HMCN1: variants seen among roughly 807,000 people sequenced by gnomAD.
HMCN1 encodes hemicentin 1, also known as hemicentin-1.
Under a neutral mutation model 625.9 loss-of-function variants are expected in HMCN1, and 321 were observed. The ratio of observed to expected loss-of-function variants is 0.51; its 90% CI spans 0.47 to 0.56. The LOEUF (loss-of-function observed/expected upper bound fraction) is 0.56, where lower values mean the gene tolerates loss of function less well. Ranked by LOEUF, HMCN1 falls within the 20% of genes least tolerant of loss-of-function variation. The pLI is 0.00. For missense variants in HMCN1, 6,588 were observed against 6,887.3 expected, an observed-to-expected ratio of 0.96 and a Z score of 1.54; for synonymous variants, 2,425 against 2,417.6, an observed-to-expected ratio of 1.00 and a Z score of -0.09.
At chr1:186,096,666 A>G (rs1443117006) in intron 68 of HMCN1, among the ~76,000 whole-genome samples, 1 of 152,146 alleles carries the variant, frequency 6.6e-6, no homozygotes, top group Non-Finnish European at 1.5e-5. Flanking sequence ...AGCAAACCAA[A>G]TTCGACAGTA....
At position 185,997,427 on chromosome 1, in the gene HMCN1, A is replaced by AG; in HGVS notation, c.3779-1dup. 6.2e-7 allele frequency: 1 copy of AG among 1,601,228 alleles called. No individual in the cohort carries two copies. Among genetic ancestry groups the AG allele is most frequent in the Admixed American group, 1.7e-5 (1 of 59,888 alleles). On this transcript the variant is annotated splice_acceptor_variant, in intron 24 of 106. Coordinates refer to ENST00000271588, the MANE Select transcript of HMCN1 (RefSeq NM_031935.3). LOFTEE classifies it high-confidence loss of function. ...GTGATAATGCATTTATTTTCCTAATAGAACCACCCACAGTGGAAGATCTAG... is the reference window on the plus strand; with the variant it reads ...GTGATAATGCATTTATTTTCCTAATAGGAACCACCCACAGTGGAAGATCTAG...
At chr1:185,923,229 C>T (rs1243771063) in intron 7 of HMCN1, among the ~76,000 whole-genome samples, 161 bp from the exon 8 acceptor site, 1 of 152,140 alleles carries the variant, frequency 6.6e-6, no homozygotes, top group Non-Finnish European at 1.5e-5. Context: ...TTTCTCTGGT[C>T]ATGCATAAAC....
intron 29 of HMCN1, among the ~76,000 whole-genome samples, chr1:186,006,510 G>C (rs1017934747): frequency 1.3e-5 from 2 of 151,986 alleles, no homozygotes; most frequent in African/African-American, 4.8e-5. Context: ...ACTCTGTATA[G>C]TAGAAAAAGA....
intron 83 of HMCN1, among the ~76,000 whole-genome samples, 181 bp from the exon 84 acceptor site, chr1:186,129,785 G>T (rs1038415896): frequency 6.6e-6 from 1 of 152,164 alleles, no homozygotes; most frequent in South Asian, 2.1e-4. Context: ...CTTCAAACAA[G>T]TGTCTATAGA....
intron 4 of HMCN1, among the ~76,000 whole-genome samples, chr1:185,907,097 C>T (rs74134381): frequency 0.01 from 1,586 of 151,586 alleles, 24 homozygotes; most frequent in African/African-American, 0.026. Context: ...GTCATATGGA[C>T]GGATTTGATA....
At chr1:185,795,783 A>G (rs1658330577) in intron 1 of HMCN1, among the ~76,000 whole-genome samples, 1 of 152,196 alleles carries the variant, frequency 6.6e-6, no homozygotes, top group South Asian at 2.1e-4. Flanking sequence ...TTTTAATAAA[A>G]TATACTAAGT....
At chr1:185,833,339 T>C (rs2129125) in intron 1 of HMCN1, among the ~76,000 whole-genome samples, 5 of 152,000 alleles carry the variant, frequency 3.3e-5, no homozygotes, top group African/African-American at 9.7e-5. Flanking sequence ...ACATTTACAT[T>C]ATTAAGAAGA....
chr1:185,853,068 C>A (rs978813994), intron 2 of HMCN1, among the ~76,000 whole-genome samples: 1 of 152,002 alleles, frequency 6.6e-6, no homozygotes, highest in African/African-American at 2.4e-5. Context: ...TTCTAAATAT[C>A]TGTTTAAATA....
chr1:185,774,656 G>A (rs946688326), intron 1 of HMCN1, among the ~76,000 whole-genome samples: 4 of 152,110 alleles, frequency 2.6e-5, no homozygotes, highest in Non-Finnish European at 2.9e-5. Context: ...AATGCACAGC[G>A]ACCCTTGAAA....
intron 50 of HMCN1, 66 bp downstream of exon 50, chr1:186,068,073 C>A: frequency 7.2e-7 from 1 of 1,388,996 alleles, no homozygotes; most frequent in Non-Finnish European, 1.0e-6. Flanking sequence ...AAAGCAGAAT[C>A]ATTGGTTACT....
intron 48 of HMCN1, among the ~76,000 whole-genome samples, chr1:186,064,933 TA>T (rs1226433670): frequency 1.3e-5 from 2 of 152,114 alleles, no homozygotes; most frequent in African/African-American, 4.8e-5. Flanking sequence ...TGTAATAGTC[TA>T]AAAAATAGTA....
chr1:185,994,982 A>T lies in HMCN1; in HGVS notation c.3673A>T (p.Thr1225Ser). ...GCACCATGTTAGCAATCCAGACGGA[A>T]CTTTAAGCATCGACCAAGCCACGCC... Reference protein sequence around the residue: ...GEHHVSNPDGTLSIDQATPSD... With the variant: ...GEHHVSNPDGSLSIDQATPSD... The change falls in exon 24 of 107, where the codon ACT (threonine) becomes TCT (serine). Residue 1225 changes from threonine to serine, a missense_variant. By Grantham distance (58) the Thr-to-Ser change is moderately conservative. Transcript: ENST00000271588. 1 of 1,613,872 alleles carries T rather than the reference A, an allele frequency of 6.2e-7. No homozygotes were observed. The highest frequency in any genetic ancestry group is 8.5e-7 in the Non-Finnish European group (1 of 1,179,856).
At chr1:185,826,098 T>C (rs1660494256) in intron 1 of HMCN1, among the ~76,000 whole-genome samples, 1 of 150,198 alleles carries the variant, frequency 6.7e-6, no homozygotes, top group East Asian at 1.9e-4. Context: ...TTGAGGCATA[T>C]ACAATAAAGT....
chr1:185,980,423 G>A (rs940526092), intron 16 of HMCN1, among the ~76,000 whole-genome samples: 1 of 152,328 alleles, frequency 6.6e-6, no homozygotes, highest in South Asian at 2.1e-4. Flanking sequence ...ACAAAGTTAT[G>A]AAATACACAC....
At chr1:185,928,322 A>G (rs1667377318) in intron 9 of HMCN1, among the ~76,000 whole-genome samples, 1 of 152,084 alleles carries the variant, frequency 6.6e-6, no homozygotes, top group African/African-American at 2.4e-5. Flanking sequence ...CAATCTCTAT[A>G]ATTATTGTTT....
intron 68 of HMCN1, among the ~76,000 whole-genome samples, chr1:186,099,788 A>C (rs994817824): frequency 6.6e-6 from 1 of 152,088 alleles, no homozygotes; most frequent in African/African-American, 2.4e-5. Flanking sequence ...GTCAATTTGC[A>C]CTCCCTGAAA....
At position 185,909,394 on chromosome 1, in the gene HMCN1, G is replaced by A; in HGVS notation, c.679G>A (p.Asp227Asn). The change falls in exon 5 of 107, where the codon GAT (aspartate) becomes AAT (asparagine). Residue 227 changes from aspartate to asparagine, a missense_variant. Transcript: ENST00000271588. Reference protein sequence around the residue: ...QASKVHLLSTDHLEQAVNTWR... With the variant: ...QASKVHLLSTNHLEQAVNTWR... ...CTCCAAAGTTCACCTTTTATCCACA[G>A]ATCATTTGGAACAGGCTGTAAATAC... 6.2e-7 allele frequency: 1 copy of A among 1,613,180 alleles called. No homozygotes were observed. Among genetic ancestry groups the A allele is most frequent in the South Asian group, 1.1e-5 (1 of 91,078 alleles).
intron 1 of HMCN1, among the ~76,000 whole-genome samples, chr1:185,774,792 A>T (rs1318442124): frequency 6.6e-6 from 1 of 152,218 alleles, no homozygotes; most frequent in Non-Finnish European, 1.5e-5. Context: ...TCACATTGTC[A>T]GTAGAAATAC....
At chr1:185,744,012 G>T (rs1174868196) in intron 1 of HMCN1, among the ~76,000 whole-genome samples, 1 of 128,114 alleles carries the variant, frequency 7.8e-6, no homozygotes, top group African/African-American at 2.9e-5. Flanking sequence ...TTTTTGAGAC[G>T]GAGTCTCACT....
Sources: gnomAD v4.1 joint callset for allele counts (sites outside exome capture counted in the v4.1 genomes callset) on GRCh38, gnomAD v4.1.1 for gene constraint, MANE v1.5 for transcripts, NCBI Gene and HGNC (gene_info 2026-07-23, HGNC 2026-07-21) for gene names.